CCDC178: variants seen among roughly 807,000 people sequenced by gnomAD.
The protein encoded by CCDC178 is coiled-coil domain-containing protein 178.
A neutral mutation model predicts 117.4 loss-of-function variants in CCDC178; 126 were observed. That is an observed-to-expected ratio of 1.07 (90% CI 0.93 to 1.24). The LOEUF (loss-of-function observed/expected upper bound fraction) is 1.24, where lower values mean the gene tolerates loss of function less well. CCDC178 is among the 50% of genes most tolerant of loss of function. The pLI, the probability that CCDC178 is intolerant of heterozygous loss-of-function variation, is 0.00. For synonymous variants in CCDC178, 283 were observed against 313.4 expected (o/e 0.90, Z 1.02); for missense variants, 1,030 against 986.9 (o/e 1.04, Z -0.59).
chr18:32,959,685 T>C (rs899896499), intron 22 of CCDC178, among the ~76,000 whole-genome samples: 4 of 152,102 alleles, frequency 2.6e-5, no homozygotes, highest in African/African-American at 7.2e-5. Flanking sequence ...CCTGAGTTAA[T>C]CTCACATCAA....
At chr18:33,126,568 T>G (rs181366187) in intron 20 of CCDC178, among the ~76,000 whole-genome samples, 2 of 152,064 alleles carry the variant, frequency 1.3e-5, no homozygotes, top group East Asian at 3.9e-4. Flanking sequence ...ACTCAAGTCT[T>G]GCAGTCAGCC....
chr18:33,057,195 A>G (rs1396583630), intron 21 of CCDC178, among the ~76,000 whole-genome samples: 1 of 152,206 alleles, frequency 6.6e-6, no homozygotes, highest in Non-Finnish European at 1.5e-5. Flanking sequence ...TCAATTGAAC[A>G]TAGCAAGACT....
chr18:33,438,827 A>C (rs1329878806), intron 2 of CCDC178, among the ~76,000 whole-genome samples: 1 of 152,134 alleles, frequency 6.6e-6, no homozygotes, highest in African/African-American at 2.4e-5. Flanking sequence ...TGTTGTCTGT[A>C]ATCTGCCATC....
chr18:33,084,222 G>A (rs183388089), intron 21 of CCDC178, among the ~76,000 whole-genome samples: 1 of 152,106 alleles, frequency 6.6e-6, no homozygotes, highest in East Asian at 1.9e-4. Context: ...TTGTTTTCAT[G>A]TTCCAGTACA....
At chr18:32,985,385 T>G (rs541996738) in intron 21 of CCDC178, among the ~76,000 whole-genome samples, 1 of 152,064 alleles carries the variant, frequency 6.6e-6, no homozygotes, top group East Asian at 1.9e-4. Flanking sequence ...TCAGAAAGTA[T>G]AAGCTTCATT....
chr18:33,030,529 A>ACAGATAGATAGATACATAGG (rs2056317901), intron 21 of CCDC178, among the ~76,000 whole-genome samples: 1 of 138,956 alleles, frequency 7.2e-6, no homozygotes, highest in African/African-American at 3.0e-5. Flanking sequence ...TAGAAGATAG[A>ACAGATAGATAGATACATAGG]TAGATAGATA....
At chr18:33,410,725 G>A (rs2063838490) in intron 3 of CCDC178, among the ~76,000 whole-genome samples, 1 of 152,106 alleles carries the variant, frequency 6.6e-6, no homozygotes. Context: ...TGACTTTGCA[G>A]CATCTTCCAT....
At chr18:33,078,588 G>C (rs546084790) in intron 21 of CCDC178, among the ~76,000 whole-genome samples, 5 of 152,124 alleles carry the variant, frequency 3.3e-5, no homozygotes, top group African/African-American at 1.2e-4. Flanking sequence ...CAACATTTCA[G>C]GATTAAAAAT....
intron 11 of CCDC178, among the ~76,000 whole-genome samples, chr18:33,297,866 C>A (rs979144734): frequency 5.9e-5 from 9 of 151,918 alleles, no homozygotes; most frequent in African/African-American, 2.2e-4. Flanking sequence ...ACGGTGAAAC[C>A]CCGTCTCTAC....
At chr18:33,117,696 A>G (rs1437946530) in intron 20 of CCDC178, among the ~76,000 whole-genome samples, 6 of 151,798 alleles carry the variant, frequency 4.0e-5, no homozygotes, top group African/African-American at 1.5e-4. Context: ...CGTTGTGCAC[A>G]TATACCCTAA....
chr18:33,212,770 T>C (rs1030326045), intron 19 of CCDC178, among the ~76,000 whole-genome samples: 1 of 151,992 alleles, frequency 6.6e-6, no homozygotes, highest in African/African-American at 2.4e-5. Context: ...CACATCATAA[T>C]GCAAAGGTAA....
chr18:33,365,766 G>T (rs1300506150), intron 6 of CCDC178, among the ~76,000 whole-genome samples: 1 of 151,972 alleles, frequency 6.6e-6, no homozygotes, highest in African/African-American at 2.4e-5. Flanking sequence ...TAATTCTGTA[G>T]TGCTCACTCT....
At chr18:32,942,904 CT>C (rs530684428) in intron 22 of CCDC178, among the ~76,000 whole-genome samples, 12 of 151,222 alleles carry the variant, frequency 7.9e-5, no homozygotes, top group South Asian at 2.1e-4. Flanking sequence ...GTTACTTTGT[CT>C]TTTTTTTTGT....
chr18:33,115,481 T>C (rs974291628), intron 20 of CCDC178, among the ~76,000 whole-genome samples: 8 of 152,114 alleles, frequency 5.3e-5, no homozygotes, highest in African/African-American at 1.7e-4. Flanking sequence ...AGGATCACTA[T>C]AATGTTCTGT....
intron 5 of CCDC178, among the ~76,000 whole-genome samples, chr18:33,375,663 T>C (rs2063354775): frequency 6.6e-6 from 1 of 152,160 alleles, no homozygotes; most frequent in Non-Finnish European, 1.5e-5. Flanking sequence ...TGATCAGACA[T>C]AGAGCTGGAA....
intron 7 of CCDC178, among the ~76,000 whole-genome samples, chr18:33,355,879 C>T (rs2144712352): frequency 6.6e-6 from 1 of 152,296 alleles, no homozygotes; most frequent in East Asian, 1.9e-4. Context: ...ATTATTCCCT[C>T]TGGCACTAGG....
At chr18:33,152,965 G>C (rs997650768) in intron 20 of CCDC178, among the ~76,000 whole-genome samples, 12 of 150,704 alleles carry the variant, frequency 8.0e-5, no homozygotes, top group Non-Finnish European at 1.3e-4. Context: ...GAGACTATAG[G>C]AAGGCACTGT....
intron 2 of CCDC178, among the ~76,000 whole-genome samples, chr18:33,439,300 T>C (rs1345661840): frequency 6.6e-6 from 1 of 152,172 alleles, no homozygotes; most frequent in Non-Finnish European, 1.5e-5. Flanking sequence ...TGGTAACAAA[T>C]TAGTTGAGTC....
chr18:33,366,413 T>G (rs762391372), intron 6 of CCDC178, among the ~76,000 whole-genome samples: 4 of 152,006 alleles, frequency 2.6e-5, no homozygotes, highest in Admixed American at 1.3e-4. Flanking sequence ...TTTGTAACAA[T>G]TAGAGTCATA....
Sources: allele counts gnomAD v4.1 joint callset (sites outside exome capture counted in the v4.1 genomes callset), GRCh38; gene constraint gnomAD v4.1.1; transcripts MANE v1.5; gene names NCBI Gene and HGNC (gene_info 2026-07-23, HGNC 2026-07-21).